The following C12orf54 variants were observed in gnomAD, a reference collection of about 807,000 sequenced individuals.
The protein encoded by C12orf54 is chromosome 12 open reading frame 54.
In C12orf54, 24 loss-of-function variants were observed where a neutral mutation model predicts 26.4. That is an observed-to-expected ratio of 0.91 (90% CI 0.66 to 1.28). The LOEUF (loss-of-function observed/expected upper bound fraction) is 1.28. C12orf54 is among the 50% of genes most tolerant of loss of function. C12orf54 has a pLI of 0.00. For synonymous variants in C12orf54, 54 were observed against 47.0 expected, an observed-to-expected ratio of 1.15 and a Z score of -0.61; for missense variants, 154 against 150.9, an observed-to-expected ratio of 1.02 and a Z score of -0.11.
intron 6 of C12orf54, among the ~76,000 whole-genome samples, chr12:48,492,373 T>G (rs1262160566): frequency 6.6e-6 from 1 of 152,070 alleles, no homozygotes; most frequent in African/African-American, 2.4e-5. Context: ...TCCCTAAGGT[T>G]CAAAAAGTCA....
chr12:48,479,385 A>G (rs917778525), upstream of C12orf54, among the ~76,000 whole-genome samples: 9 of 152,100 alleles, frequency 5.9e-5, no homozygotes, highest in African/African-American at 2.2e-4. Context: ...GTGGGGAGGG[A>G]TAGCATTAGG....
chr12:48,430,454 G>GA, the C12orf54 span, among the ~76,000 whole-genome samples: 3 of 150,862 alleles, frequency 2.0e-5, no homozygotes, highest in Admixed American at 6.6e-5. Context: ...AAATCAGCAA[G>GA]AAAAAAACAA....
chr12:48,429,271 C>T, the C12orf54 span, among the ~76,000 whole-genome samples: 1 of 151,970 alleles, frequency 6.6e-6, no homozygotes, highest in South Asian at 2.1e-4. Context: ...ACAAGGATGC[C>T]CACTCTCACC....
the C12orf54 span, among the ~76,000 whole-genome samples, chr12:48,430,692 T>C: frequency 1.3e-5 from 2 of 152,176 alleles, no homozygotes; most frequent in African/African-American, 4.8e-5. Context: ...ACTTCTACAC[T>C]GCTGGCGGGA....
At chr12:48,459,725 C>A in the C12orf54 span, among the ~76,000 whole-genome samples, 2 of 152,214 alleles carry the variant, frequency 1.3e-5, no homozygotes, top group African/African-American at 4.8e-5. Flanking sequence ...TCAAAACGAA[C>A]AAAGGGAAAG....
upstream of C12orf54, among the ~76,000 whole-genome samples, chr12:48,482,025 G>T (rs897686856): frequency 6.6e-6 from 1 of 152,078 alleles, no homozygotes; most frequent in Non-Finnish European, 1.5e-5. Context: ...TCCTGCCTCC[G>T]TATTAAAACC....
chr12:48,419,666 G>A, the C12orf54 span, among the ~76,000 whole-genome samples: 1 of 152,130 alleles, frequency 6.6e-6, no homozygotes, highest in African/African-American at 2.4e-5. Context: ...CACACAGCAA[G>A]GGAGACATGG....
chr12:48,422,815 TAAG>T, the C12orf54 span, among the ~76,000 whole-genome samples: 3 of 152,096 alleles, frequency 2.0e-5, no homozygotes, highest in South Asian at 2.1e-4. Context: ...CATGATTTGA[TAAG>T]AAGATTTTGA....
chr12:48,491,075 A>G (rs1418339851), intron 6 of C12orf54, among the ~76,000 whole-genome samples: 1 of 152,208 alleles, frequency 6.6e-6, no homozygotes, highest in Non-Finnish European at 1.5e-5. Context: ...ATTCATAAGC[A>G]CTGCAAGTCT....
chr12:48,489,299 G>A, intron 5 of C12orf54: 1 of 442,640 alleles, frequency 2.3e-6, no homozygotes, highest in Non-Finnish European at 4.4e-6. Flanking sequence ...TATTAGGTGA[G>A]TATGTCTGTT....
the C12orf54 span, among the ~76,000 whole-genome samples, chr12:48,416,582 C>G: frequency 6.6e-6 from 1 of 152,184 alleles, no homozygotes; most frequent in South Asian, 2.1e-4. Flanking sequence ...TAAGATGTGG[C>G]TGGGCACAGT....
At chr12:48,493,133 C>A (rs946738989) in intron 7 of C12orf54, 138 bp downstream of exon 7, 16 of 728,674 alleles carry the variant, frequency 2.2e-5, no homozygotes, top group Non-Finnish European at 3.9e-5. Context: ...AGTGCCTCCC[C>A]ACCCAACTGT....
chr12:48,487,818 T>G (rs1272923611), intron 4 of C12orf54: 11 of 471,530 alleles, frequency 2.3e-5, no homozygotes, highest in Non-Finnish European at 3.8e-5. Flanking sequence ...TCTCACACTT[T>G]CTCCCAAGGG....
chr12:48,489,404 T>C (rs1188262257), intron 5 of C12orf54: 1 of 281,102 alleles, frequency 3.6e-6, no homozygotes, highest in Non-Finnish European at 7.1e-6. Context: ...TCTTCTTCTA[T>C]AGATTTCAGT....
the C12orf54 span, among the ~76,000 whole-genome samples, chr12:48,475,815 A>G: frequency 6.6e-6 from 1 of 152,160 alleles, no homozygotes; most frequent in African/African-American, 2.4e-5. Context: ...AAGTTGGAAA[A>G]CACTCTGCAG....
chr12:48,434,175 A>T, the C12orf54 span, among the ~76,000 whole-genome samples: 1 of 152,188 alleles, frequency 6.6e-6, no homozygotes, highest in Non-Finnish European at 1.5e-5. Context: ...CGAGCACAGC[A>T]GTCTGAGATC....
chr12:48,436,010 A>G, the C12orf54 span, among the ~76,000 whole-genome samples: 1 of 152,292 alleles, frequency 6.6e-6, no homozygotes, highest in South Asian at 2.1e-4. Context: ...TATTCAGGAA[A>G]CCCATCTCAC....
At chr12:48,414,779 G>C in the C12orf54 span, among the ~76,000 whole-genome samples, 19,320 of 152,086 alleles carry the variant, frequency 0.13, 2,541 homozygotes, top group East Asian at 0.67. Context: ...TGTGGTCTAG[G>C]GAAAGACCAT....
the C12orf54 span, among the ~76,000 whole-genome samples, chr12:48,437,618 A>C: frequency 6.6e-6 from 1 of 152,228 alleles, no homozygotes; most frequent in South Asian, 2.1e-4. Context: ...CAGTAAACGT[A>C]ATCCAGCATA....
Sources: allele counts gnomAD v4.1 joint callset (sites outside exome capture counted in the v4.1 genomes callset), GRCh38; gene constraint gnomAD v4.1.1; transcripts MANE v1.5; gene names NCBI Gene and HGNC (gene_info 2026-07-23, HGNC 2026-07-21).